The following SRP54 variants were observed in gnomAD, a reference collection of about 807,000 sequenced individuals.
The protein encoded by SRP54 is signal recognition particle 54.
In SRP54, 10 loss-of-function variants were observed where a neutral mutation model predicts 64.8. The observed-to-expected ratio is 0.15, with a 90% CI of 0.10 to 0.26. The LOEUF is 0.26. Among genes scored for constraint, SRP54 ranks in the 10% least tolerant of loss-of-function variants. SRP54 has a pLI of 1.00. For missense variants in SRP54, 325 were observed against 613.7 expected (o/e 0.53, Z 4.97); for synonymous variants, 193 against 185.6 (o/e 1.04, Z -0.32).
intron 10 of SRP54, among the ~76,000 whole-genome samples, chr14:35,014,287 T>TG (rs199548535): frequency 0.17 from 24,822 of 146,470 alleles, 2,907 homozygotes; most frequent in East Asian, 0.31. Flanking sequence ...TTTTTTTTTT[T>TG]TTTTTTTGAG....
At chr14:35,016,840 C>CTTTTTTTTTTTTT (rs145307640) in intron 11 of SRP54, among the ~76,000 whole-genome samples, 15 of 71,610 alleles carry the variant, frequency 2.1e-4, no homozygotes, top group East Asian at 4.5e-4. Flanking sequence ...CCTTTTTTTT[C>CTTTTTTTTTTTTT]TTTTCTTTTT....
intron 4 of SRP54, 66 bp downstream of exon 4, chr14:35,001,086 A>G (rs988142741): frequency 3.1e-6 from 2 of 639,638 alleles, no homozygotes; most frequent in Admixed American, 3.5e-5. Flanking sequence ...TAGCACTACA[A>G]ATATTTCAGA....
At chr14:35,008,729 T>G in intron 6 of SRP54, 36 bp downstream of exon 6, 1 of 1,604,790 alleles carries the variant, frequency 6.2e-7, no homozygotes, top group Non-Finnish European at 8.5e-7. Context: ...TTTTATATAA[T>G]TTTTATTTTC....
At chr14:35,001,941 C>T (rs12897612) in intron 4 of SRP54, among the ~76,000 whole-genome samples, 30,398 of 151,322 alleles carry the variant, frequency 0.2, 3,276 homozygotes, top group East Asian at 0.38. Context: ...TGGCTCATGC[C>T]TGTAATCACA....
chr14:35,011,915 A>G (rs2044362510), intron 8 of SRP54, among the ~76,000 whole-genome samples: 1 of 152,210 alleles, frequency 6.6e-6, no homozygotes, highest in African/African-American at 2.4e-5. Context: ...TGCATAAGAA[A>G]ACATTTAAAA....
intron 13 of SRP54, among the ~76,000 whole-genome samples, chr14:35,021,402 G>A (rs1488144320): frequency 2.0e-5 from 3 of 152,104 alleles, no homozygotes; most frequent in Non-Finnish European, 2.9e-5. Flanking sequence ...GGCTGAGGTC[G>A]GTGGATCACT....
At chr14:34,998,200 T>C (rs2044100322) in intron 2 of SRP54, among the ~76,000 whole-genome samples, 1 of 152,138 alleles carries the variant, frequency 6.6e-6, no homozygotes, top group African/African-American at 2.4e-5. Context: ...GGGCCTATGT[T>C]TTTGCAGACA....
intron 1 of SRP54, among the ~76,000 whole-genome samples, chr14:34,995,163 G>A (rs1251830415): frequency 7.1e-6 from 1 of 141,256 alleles, no homozygotes; most frequent in Non-Finnish European, 1.6e-5. Flanking sequence ...GTGTGTGTGT[G>A]TGTGTGTGTG....
Position 34,996,737 on chromosome 14 carries a change from A to C in SRP54, c.28A>C (p.Ile10Leu), listed in dbSNP as rs2044078512. 6.2e-7 allele frequency: 1 copy of C among 1,613,676 alleles called. No homozygotes were observed. Among genetic ancestry groups the C allele is most frequent in the Non-Finnish European group, 8.5e-7 (1 of 1,179,660 alleles). Residue 10 changes from isoleucine to leucine, a missense_variant, in exon 2 of 16, where the codon ATA (isoleucine) becomes CTA (leucine). Coordinates refer to ENST00000216774, the MANE Select transcript of SRP54 (RefSeq NM_003136.4). MVLADLGRK[I>L]TSALRSLSNA... is the part of the protein sequence containing the mutation. ...GGTTCTAGCAGACCTTGGAAGAAAAATAACATCAGCATTACGCTCGTTGAG... is the reference window on the plus strand; with the variant it reads ...GGTTCTAGCAGACCTTGGAAGAAAACTAACATCAGCATTACGCTCGTTGAG...
chr14:34,984,626 C>T (rs1338503186), intron 1 of SRP54, among the ~76,000 whole-genome samples: 3 of 152,156 alleles, frequency 2.0e-5, no homozygotes, highest in African/African-American at 7.2e-5. Flanking sequence ...CTCAGCCTTC[C>T]GAGTAGCTGG....
intron 1 of SRP54, among the ~76,000 whole-genome samples, chr14:34,987,076 C>G (rs886978255): frequency 4.0e-5 from 6 of 149,932 alleles, no homozygotes; most frequent in Non-Finnish European, 7.4e-5. Flanking sequence ...ACTAAAAATA[C>G]AAAAAATTAG....
rs57037784 is a variant in SRP54, at chr14:35,023,787, AACACACACACAC to A, written c.1327+732_1327+743del. 9.3e-5 allele frequency among the ~76,000 whole-genome samples: 13 copies of A among 140,368 alleles called. No individual in the cohort carries two copies. The East Asian group carries it at 1.3e-3, about 14-fold the overall frequency. The allele number at this position is 140,368 out of a possible 152,430, so 92.1% of individuals were successfully genotyped here. On this transcript the variant is annotated intron_variant, in intron 14 of 15. Transcript: ENST00000216774. ...CAGCAGAGTGAGACTCCGGTCCCCA[AACACACACACAC>A]ACACACACACACACACACACACACT...
intron 13 of SRP54, among the ~76,000 whole-genome samples, chr14:35,022,251 C>G (rs183019473): frequency 1.3e-5 from 2 of 151,770 alleles, no homozygotes; most frequent in African/African-American, 2.4e-5. Flanking sequence ...CATGGGGTCT[C>G]GAAACATTCT....
At chr14:35,017,089 A>G (rs1444463076) in intron 11 of SRP54, among the ~76,000 whole-genome samples, 1 of 152,134 alleles carries the variant, frequency 6.6e-6, no homozygotes, top group African/African-American at 2.4e-5. Context: ...TCCTGGCCTC[A>G]GGTGATCTGC....
Position 35,019,057 on chromosome 14 carries a change from A to G in SRP54, c.1139A>G (p.Asp380Gly), listed in dbSNP as rs1401533917. The G allele has an allele frequency of 6.2e-7, 1 of 1,611,320 alleles. No homozygotes were observed. The highest frequency in any genetic ancestry group is 1.7e-5 in the Admixed American group (1 of 60,010). ...CTAAAGAAATTAATGACAATAATGG[A>G]TAGTATGAATGATCAAGGTAAGATG... Reference protein sequence around the residue: ...ARLKKLMTIMDSMNDQELDST... With the variant: ...ARLKKLMTIMGSMNDQELDST... The change falls in exon 13 of 16, where the codon GAT becomes GGT. Residue 380 changes from aspartate to glycine, a missense_variant. Coordinates refer to ENST00000216774, the MANE Select transcript of SRP54 (RefSeq NM_003136.4).
rs868172859 is a variant in SRP54 at position 35,022,930 on chromosome 14, G to A, written c.1177G>A (p.Ala393Thr). The A allele has an allele frequency of 2.5e-6, 4 of 1,613,606 alleles. No individual in the cohort carries two copies. Among genetic ancestry groups the A allele is most frequent in the Non-Finnish European group, 3.4e-6 (4 of 1,179,842 alleles). Reference sequence around the variant, plus strand: ...TACAGAACTAGACAGTACGGATGGTGCCAAAGTTTTTAGTAAACAACCAGG... The same window carrying A: ...TACAGAACTAGACAGTACGGATGGTACCAAAGTTTTTAGTAAACAACCAGG... Reference protein sequence around the residue: ...NDQELDSTDGAKVFSKQPGRI... With the variant: ...NDQELDSTDGTKVFSKQPGRI... The change falls in exon 14 of 16, where the codon GCC (alanine) becomes ACC (threonine). Residue 393 changes from alanine to threonine, a missense_variant. Transcript: ENST00000216774.
chr14:35,008,595 G>T, intron 5 of SRP54, 32 bp from the exon 6 acceptor site: 3 of 1,383,472 alleles, frequency 2.2e-6, no homozygotes, highest in East Asian at 5.1e-5. Context: ...TATATTTTAT[G>T]ATATTATATT....
At position 35,020,042 on chromosome 14, in the gene SRP54, G is replaced by A. The variant is rs1048338990; in HGVS notation, c.1156+968G>A. 5.9e-5 allele frequency among the ~76,000 whole-genome samples: 9 copies of A among 152,020 alleles called. No homozygotes were observed. In the South Asian group the frequency reaches 6.2e-4, roughly 11 times the overall value. On this transcript the variant is annotated intron_variant, in intron 13 of 15. Transcript: ENST00000216774. ...TACTAAAAATACAAAAAAATTAGCC[G>A]GGCGTGGTGGCACACACCTGTAATC...
chr14:35,012,886 A>G (rs1374886290), intron 8 of SRP54, among the ~76,000 whole-genome samples: 1 of 151,662 alleles, frequency 6.6e-6, no homozygotes. Flanking sequence ...GATAATACAT[A>G]GTACTTCAAC....
Sources: gnomAD v4.1 joint callset for allele counts (sites outside exome capture counted in the v4.1 genomes callset) on GRCh38, gnomAD v4.1.1 for gene constraint, MANE v1.5 for transcripts, NCBI Gene and HGNC (gene_info 2026-07-23, HGNC 2026-07-21) for gene names.